Variants in CTNNA3 observed in about 807,000 individuals in gnomAD.
CTNNA3 encodes catenin alpha 3.
CTNNA3 carries 76 observed loss-of-function variants against 95.7 expected under a neutral mutation model. That is an observed-to-expected ratio of 0.79 (90% CI 0.66 to 0.96). The LOEUF (loss-of-function observed/expected upper bound fraction) is 0.96. CTNNA3 is among the 40% of genes least tolerant of loss of function. The pLI, the probability that CTNNA3 is intolerant of heterozygous loss-of-function variation, is 0.00. For synonymous variants in CTNNA3, 431 were observed against 374.4 expected, an observed-to-expected ratio of 1.15 and a Z score of -1.74; for missense variants, 1,191 against 1,089.8, an observed-to-expected ratio of 1.09 and a Z score of -1.31.
At chr10:66,007,461 T>C (rs1429929955) in intron 15 of CTNNA3, among the ~76,000 whole-genome samples, 1 of 152,150 alleles carries the variant, frequency 6.6e-6, no homozygotes, top group East Asian at 1.9e-4. Context: ...ACATAATGCC[T>C]CTTCAATTAA....
rs2092638056 is a variant in CTNNA3, at chr10:66,359,657, G to T, written c.1732+19495C>A. 2.0e-5 allele frequency among the ~76,000 whole-genome samples: 3 copies of T among 152,012 alleles called. No individual in the cohort carries two copies. The South Asian group carries it at 6.2e-4, about 32-fold the overall frequency. ...TGTTTTGCATTAAAGGTTCACATCTGTCATCCCCCCCAAACATTCATTCTT... is the reference window on the plus strand; with the variant it reads ...TGTTTTGCATTAAAGGTTCACATCTTTCATCCCCCCCAAACATTCATTCTT... On this transcript the variant is annotated intron_variant, in intron 12 of 17. Coordinates refer to ENST00000433211, the MANE Select transcript of CTNNA3 (RefSeq NM_013266.4).
chr10:66,262,970 G>A (rs888874731), intron 13 of CTNNA3, among the ~76,000 whole-genome samples: 69 of 151,906 alleles, frequency 4.5e-4, no homozygotes, highest in African/African-American at 1.6e-3. Context: ...AGTAGACCGT[G>A]GGTGAATCTG....
At chr10:66,102,080 A>G (rs2081656226) in intron 14 of CTNNA3, among the ~76,000 whole-genome samples, 1 of 152,186 alleles carries the variant, frequency 6.6e-6, no homozygotes, top group Non-Finnish European at 1.5e-5. Flanking sequence ...CAATATGTCT[A>G]CAAAAACAGA....
At chr10:67,757,324 C>T (rs1052200421) in intron 1 of CTNNA3, among the ~76,000 whole-genome samples, 2 of 152,130 alleles carry the variant, frequency 1.3e-5, no homozygotes, top group Non-Finnish European at 2.9e-5. Flanking sequence ...CGTATCAACT[C>T]GACTGGGCTA....
intron 1 of CTNNA3, among the ~76,000 whole-genome samples, chr10:67,716,401 C>T (rs1401038157): frequency 2.0e-5 from 3 of 152,064 alleles, no homozygotes; most frequent in Admixed American, 6.6e-5. Flanking sequence ...TATATACGTG[C>T]CATGGTGGTT....
intron 11 of CTNNA3, among the ~76,000 whole-genome samples, chr10:66,510,926 C>T (rs1003814788): frequency 5.3e-5 from 8 of 151,740 alleles, no homozygotes; most frequent in African/African-American, 1.9e-4. Context: ...GGAAGAATTT[C>T]TTAATCCTCA....
chr10:66,397,803 C>T (rs746908429), intron 11 of CTNNA3, among the ~76,000 whole-genome samples: 1 of 151,778 alleles, frequency 6.6e-6, no homozygotes, highest in Non-Finnish European at 1.5e-5. Context: ...GCATTATGTA[C>T]CGTGAGTTGT....
At chr10:66,775,194 A>G (rs1424035626) in intron 8 of CTNNA3, among the ~76,000 whole-genome samples, 1 of 152,200 alleles carries the variant, frequency 6.6e-6, no homozygotes, top group African/African-American at 2.4e-5. Flanking sequence ...AGATCTCACA[A>G]CTGATGAGAA....
chr10:66,792,698 C>A (rs1325439322), intron 7 of CTNNA3, among the ~76,000 whole-genome samples: 2 of 152,144 alleles, frequency 1.3e-5, no homozygotes, highest in African/African-American at 2.4e-5. Context: ...CATGTACAAA[C>A]TTTCTGTTTT....
In CTNNA3 at chr10:66,328,933, T is replaced by TATATATATATATATAC. The variant is rs59003281; in HGVS notation, c.1733-48313_1733-48312insGTATATATATATATAT. ...ATACATATATATATATATATATATA[T>TATATATATATATATAC]ACACACACACATATAAATATAATTT... is the stretch of plus-strand genomic sequence containing the variant. On this transcript the variant is annotated intron_variant, in intron 12 of 17. Transcript: ENST00000433211. 7.6e-4 allele frequency among the ~76,000 whole-genome samples: 88 copies of TATATATATATATATAC among 115,336 alleles called. 1 individual carries two copies. The highest frequency in any genetic ancestry group is 3.5e-3 in the East Asian group (12 of 3,442). The allele number at this position is 115,336 out of a possible 152,430, so 75.7% of individuals were successfully genotyped here. A position where few individuals can be genotyped will look rare whatever the true frequency, so the allele number is the denominator to read the frequency against.
chr10:67,266,279 G>A (rs1393545097), intron 5 of CTNNA3, among the ~76,000 whole-genome samples: 1 of 149,786 alleles, frequency 6.7e-6, no homozygotes, highest in African/African-American at 2.4e-5. Context: ...GCAGTGAACT[G>A]TATTTTTGTT....
chr10:66,450,982 C>T (rs551672947), intron 11 of CTNNA3, among the ~76,000 whole-genome samples: 1 of 152,218 alleles, frequency 6.6e-6, no homozygotes, highest in East Asian at 1.9e-4. Context: ...TTCCATATCT[C>T]AGTTGCCTCC....
At chr10:66,462,155 T>A (rs1234211850) in intron 11 of CTNNA3, among the ~76,000 whole-genome samples, 1 of 152,050 alleles carries the variant, frequency 6.6e-6, no homozygotes, top group Non-Finnish European at 1.5e-5. Flanking sequence ...AGGCTTATTT[T>A]ATATAAATTC....
At chr10:67,136,091 T>A (rs1860294933) in intron 7 of CTNNA3, among the ~76,000 whole-genome samples, 1 of 152,158 alleles carries the variant, frequency 6.6e-6, no homozygotes, top group Admixed American at 6.6e-5. Context: ...CTTTTAACTT[T>A]TATGCTAAAC....
At chr10:66,702,732 A>AGTAGT (rs57680848) in intron 9 of CTNNA3, among the ~76,000 whole-genome samples, 1 of 134,326 alleles carries the variant, frequency 7.4e-6, no homozygotes. Flanking sequence ...AAAAAAGAAT[A>AGTAGT]AGTAGTAGTA....
chr10:66,362,096 A>ATTTTTT (rs569047811), intron 12 of CTNNA3, among the ~76,000 whole-genome samples: 2 of 81,772 alleles, frequency 2.4e-5, no homozygotes, highest in Non-Finnish European at 4.8e-5. Flanking sequence ...TTCATACACA[A>ATTTTTT]TTTTTTTTTT....
At chr10:67,580,051 T>C (rs970861685) in intron 3 of CTNNA3, among the ~76,000 whole-genome samples, 5 of 152,182 alleles carry the variant, frequency 3.3e-5, no homozygotes, top group East Asian at 1.9e-4. Flanking sequence ...GGAAGCTCTT[T>C]AGTTTAATTA....
intron 7 of CTNNA3, among the ~76,000 whole-genome samples, chr10:66,950,872 T>C (rs570297048): frequency 6.6e-6 from 1 of 152,306 alleles, no homozygotes; most frequent in South Asian, 2.1e-4. Context: ...TAACCCATTT[T>C]ATAGGTAAAG....
chr10:66,245,193 G>A (rs771943503), intron 13 of CTNNA3, among the ~76,000 whole-genome samples: 1 of 152,210 alleles, frequency 6.6e-6, no homozygotes, highest in Non-Finnish European at 1.5e-5. Flanking sequence ...GGGGCAGACA[G>A]CTACAGGTGC....
Sources: allele counts gnomAD v4.1 joint callset (sites outside exome capture counted in the v4.1 genomes callset), GRCh38; gene constraint gnomAD v4.1.1; transcripts MANE v1.5; gene names NCBI Gene and HGNC (gene_info 2026-07-23, HGNC 2026-07-21).